NRXN3: variants seen among roughly 807,000 people sequenced by gnomAD.
NRXN3 encodes the protein neurexin III.
NRXN3 carries 32 observed loss-of-function variants against 137.6 expected under a neutral mutation model. That is an observed-to-expected ratio of 0.23 (90% CI 0.18 to 0.31). The LOEUF (loss-of-function observed/expected upper bound fraction) is 0.31. NRXN3 is among the 10% of genes least tolerant of loss of function. The probability of loss-of-function intolerance (pLI) is 1.00; values close to 1 mark genes in which losing one functional copy is unlikely to be tolerated. For synonymous variants in NRXN3, 798 were observed against 784.5 expected, an observed-to-expected ratio of 1.02 and a Z score of -0.29; for missense variants, 1,574 against 2,062.5, an observed-to-expected ratio of 0.76 and a Z score of 4.59.
intron 10 of NRXN3, among the ~76,000 whole-genome samples, chr14:78,939,612 C>A (rs1159345105): frequency 6.6e-6 from 1 of 152,192 alleles, no homozygotes; most frequent in Non-Finnish European, 1.5e-5. Flanking sequence ...TGCCAATTAG[C>A]CTGGTGACTA....
intron 4 of NRXN3, among the ~76,000 whole-genome samples, chr14:78,533,513 C>A (rs1230374724): frequency 6.6e-6 from 1 of 152,178 alleles, no homozygotes; most frequent in Non-Finnish European, 1.5e-5. Flanking sequence ...CACGATCCAT[C>A]TCCTGCCATT....
intron 16 of NRXN3, among the ~76,000 whole-genome samples, chr14:79,519,664 A>G (rs930932893): frequency 3.3e-5 from 5 of 152,016 alleles, no homozygotes; most frequent in Non-Finnish European, 7.4e-5. Flanking sequence ...CCAAGAATTA[A>G]GAGAGAGTTT....
intron 15 of NRXN3, among the ~76,000 whole-genome samples, chr14:79,232,124 T>C (rs1368263136): frequency 6.6e-6 from 1 of 152,176 alleles, no homozygotes; most frequent in African/African-American, 2.4e-5. Flanking sequence ...CCAGGTCATA[T>C]GGCAGGAGAA....
rs1192347292 is a variant in NRXN3, at chr14:78,609,868, C to T, written c.758-35252C>T. Among the ~76,000 whole-genome samples the T allele has an allele frequency of 1.1e-4, 17 of 152,114 alleles. 1 individual carries two copies. Among genetic ancestry groups the T allele is most frequent in the Admixed American group, 1.1e-3 (17 of 15,274 alleles). ...AATACCCTGTGATCTCCTTCTGATA[C>T]CTGGCACACAATTTTCAGGGATCTT... On this transcript the variant is annotated intron_variant, in intron 4 of 20. Transcript: ENST00000335750.
intron 15 of NRXN3, among the ~76,000 whole-genome samples, chr14:79,404,044 A>G (rs768817377): frequency 2.0e-5 from 3 of 152,192 alleles, no homozygotes; most frequent in Non-Finnish European, 4.4e-5. Context: ...ATAGGCACGG[A>G]CAAAGAGTTC....
intron 4 of NRXN3, among the ~76,000 whole-genome samples, chr14:78,512,625 T>A (rs2096129838): frequency 6.6e-6 from 1 of 152,152 alleles, no homozygotes; most frequent in Admixed American, 6.5e-5. Flanking sequence ...TCCAGGCAAG[T>A]TCTTTGGGAC....
intron 15 of NRXN3, among the ~76,000 whole-genome samples, chr14:79,003,203 G>C (rs2099545337): frequency 6.6e-6 from 1 of 152,070 alleles, no homozygotes; most frequent in Non-Finnish European, 1.5e-5. Context: ...GGTGTCTTTA[G>C]TAATCTTATC....
chr14:78,271,503 T>C (rs112274245), intron 2 of NRXN3, among the ~76,000 whole-genome samples: 2,595 of 150,782 alleles, frequency 0.017, 77 homozygotes, highest in African/African-American at 0.056. Context: ...AAAAGGGCTG[T>C]CTGCACTGAT....
chr14:79,612,189 T>C (rs1409453019), intron 16 of NRXN3, among the ~76,000 whole-genome samples: 1 of 152,190 alleles, frequency 6.6e-6, no homozygotes, highest in East Asian at 1.9e-4. Context: ...TTGCACACTT[T>C]GTTTATATTT....
intron 16 of NRXN3, among the ~76,000 whole-genome samples, chr14:79,532,509 C>T (rs1195073080): frequency 6.6e-6 from 1 of 152,164 alleles, no homozygotes; most frequent in Non-Finnish European, 1.5e-5. Flanking sequence ...ACAGGCCCCT[C>T]AGCCTAGGGG....
intron 15 of NRXN3, among the ~76,000 whole-genome samples, chr14:79,238,464 C>G (rs187922311): frequency 6.6e-6 from 1 of 152,072 alleles, no homozygotes; most frequent in African/African-American, 2.4e-5. Context: ...GAAGGCGAAC[C>G]TGAAAAACAG....
At chr14:79,590,532 G>A (rs993649342) in intron 16 of NRXN3, among the ~76,000 whole-genome samples, 29 of 150,984 alleles carry the variant, frequency 1.9e-4, no homozygotes, top group African/African-American at 5.9e-4. Flanking sequence ...TGAAGAGTAT[G>A]TCACATGTAC....
chr14:78,382,495 A>C (rs569145051), intron 4 of NRXN3, among the ~76,000 whole-genome samples: 200 of 152,344 alleles, frequency 1.3e-3, no homozygotes, highest in Non-Finnish European at 2.5e-3. Context: ...GTGCTATTGC[A>C]AAGCGACTGA....
chr14:78,868,557 C>T (rs897071137), intron 10 of NRXN3, among the ~76,000 whole-genome samples: 12 of 152,076 alleles, frequency 7.9e-5, no homozygotes, highest in African/African-American at 1.2e-4. Flanking sequence ...CAGTGGCTCA[C>T]GTCTGTAATC....
chr14:78,469,311 C>A (rs963961566), intron 4 of NRXN3, among the ~76,000 whole-genome samples: 3 of 152,132 alleles, frequency 2.0e-5, no homozygotes, highest in Non-Finnish European at 2.9e-5. Flanking sequence ...CTGGGCCTCA[C>A]TACCAAAGAA....
At chr14:78,428,524 A>G (rs80325872) in intron 4 of NRXN3, among the ~76,000 whole-genome samples, 1 of 152,144 alleles carries the variant, frequency 6.6e-6, no homozygotes, top group Non-Finnish European at 1.5e-5. Flanking sequence ...CCTCTCTCCT[A>G]TTGAGAGAGA....
chr14:78,304,496 C>G (rs2077173143), intron 4 of NRXN3, among the ~76,000 whole-genome samples: 1 of 152,172 alleles, frequency 6.6e-6, no homozygotes, highest in Non-Finnish European at 1.5e-5. Context: ...CGTGAACTTA[C>G]CTAGAAGTGG....
At chr14:78,264,093 T>C (rs2071278312) in intron 2 of NRXN3, among the ~76,000 whole-genome samples, 1 of 152,178 alleles carries the variant, frequency 6.6e-6, no homozygotes, top group Non-Finnish European at 1.5e-5. Flanking sequence ...GTGTTGTTTA[T>C]AGAGACCAGC....
chr14:78,815,057 G>A (rs190374097), intron 10 of NRXN3, among the ~76,000 whole-genome samples: 27 of 152,204 alleles, frequency 1.8e-4, no homozygotes, highest in Admixed American at 1.3e-3. Context: ...TTTCTAAAAT[G>A]GAGTGTATAT....
Sources: gnomAD v4.1 joint callset for allele counts (sites outside exome capture counted in the v4.1 genomes callset) on GRCh38, gnomAD v4.1.1 for gene constraint, MANE v1.5 for transcripts, NCBI Gene and HGNC (gene_info 2026-07-23, HGNC 2026-07-21) for gene names.